Variants in HERC3 observed in about 807,000 individuals in gnomAD.
HERC3 encodes HECT and RLD domain containing E3 ubiquitin protein ligase 3, also known as probable E3 ubiquitin-protein ligase HERC3.
Under a neutral mutation model 129.9 loss-of-function variants are expected in HERC3, and 58 were observed. That is an observed-to-expected ratio of 0.45 (90% CI 0.36 to 0.56). HERC3 has a LOEUF of 0.56. Ranked by LOEUF, HERC3 falls within the 20% of genes least tolerant of loss-of-function variation. HERC3 has a pLI of 0.00. For missense variants in HERC3, 835 were observed against 1,244.2 expected, an observed-to-expected ratio of 0.67 and a Z score of 4.95; for synonymous variants, 430 against 451.0, an observed-to-expected ratio of 0.95 and a Z score of 0.59.
Position 88,667,383 on chromosome 4 carries a change from T to C in HERC3, c.1338T>C (p.Asp446=), listed in dbSNP as rs1156333879. The C allele has an allele frequency of 1.9e-5, 30 of 1,581,754 alleles. No homozygotes were observed. The highest frequency in any genetic ancestry group is 2.5e-5 in the Non-Finnish European group (29 of 1,159,174). Residue 446 remains aspartate (D), a synonymous_variant, in exon 13 of 26, where the codon GAT becomes GAC. Transcript: ENST00000402738. ...TTTGATTTTGTTTGTTTAGAATTGA[T>C]GAACATTTTAAAACGAGTCCCAAAA... ...WNGSFLEKKI[D]EHFKTSPKIP... is the part of the protein sequence containing the mutation.
At chr4:88,539,696 T>G in the HERC3 span, among the ~76,000 whole-genome samples, 9 of 152,274 alleles carry the variant, frequency 5.9e-5, no homozygotes, top group Non-Finnish European at 1.2e-4. Flanking sequence ...CAGGTGACCC[T>G]CTGGGACGAA....
intron 16 of HERC3, among the ~76,000 whole-genome samples, chr4:88,673,065 A>G (rs1414600172): frequency 6.6e-6 from 1 of 152,212 alleles, no homozygotes; most frequent in Non-Finnish European, 1.5e-5. Flanking sequence ...GTAACTTGCC[A>G]TTATCTGCAC....
In HERC3 at chr4:88,655,319, A is replaced by G; in HGVS notation, c.908+15A>G. 3 of 1,612,596 alleles carry G rather than the reference A, an allele frequency of 1.9e-6. No homozygotes were observed. The highest frequency in any genetic ancestry group is 2.5e-6 in the Non-Finnish European group (3 of 1,179,130). On this transcript the variant is annotated intron_variant, in intron 8 of 25. Coordinates refer to ENST00000402738, the MANE Select transcript of HERC3 (RefSeq NM_014606.3). The stretch of plus-strand genomic sequence containing the variant: ...GCTTGTGGCAGGTGAGTGTTCCTCA[A>G]AGCTTGCTTGTATTCACTAGGACCC...
In HERC3 at chr4:88,650,006, A is replaced by C. The variant is rs757992478; in HGVS notation, c.386+7A>C. 2.5e-6 allele frequency: 4 copies of C among 1,604,908 alleles called. No individual in the cohort carries two copies. The highest frequency in any genetic ancestry group is 2.6e-6 in the Non-Finnish European group (3 of 1,173,862). On this transcript the variant is annotated splice_region_variant and intron_variant, in intron 4 of 25. Coordinates refer to ENST00000402738, the MANE Select transcript of HERC3 (RefSeq NM_014606.3). Reference sequence around the variant, plus strand: ...ATTCTGTGGCAGTGCCCAGGTAAGAAGGTTTTCAAATGTCAGTCGTTTTAA... The same window carrying C: ...ATTCTGTGGCAGTGCCCAGGTAAGACGGTTTTCAAATGTCAGTCGTTTTAA...
At chr4:88,678,989 T>C (rs765189232) in intron 19 of HERC3, among the ~76,000 whole-genome samples, 5 of 152,228 alleles carry the variant, frequency 3.3e-5, no homozygotes, top group Non-Finnish European at 5.9e-5. Flanking sequence ...CTGGCATCTG[T>C]GTAATCCAGG....
chr4:88,582,945 G>A, the HERC3 span, among the ~76,000 whole-genome samples: 25 of 151,628 alleles, frequency 1.6e-4, no homozygotes, highest in Admixed American at 7.9e-4. Context: ...CTGGCTCTTC[G>A]AGTCTCATAT....
rs570102843 is a variant in HERC3 at position 88,673,769 on chromosome 4, A to G, written c.1912-2449A>G. ...AATTAATGAAATTAAATTATTATAT[A>G]TCAAATACAAAAACTTACAGACTTA... is the stretch of plus-strand genomic sequence containing the variant. On this transcript the variant is annotated intron_variant, in intron 16 of 25. Transcript: ENST00000402738. 2.6e-5 allele frequency among the ~76,000 whole-genome samples: 4 copies of G among 152,366 alleles called. No homozygotes were observed. The East Asian group carries it at 5.8e-4, about 22-fold the overall frequency.
chr4:88,575,778 C>A, the HERC3 span, among the ~76,000 whole-genome samples: 15 of 152,186 alleles, frequency 9.9e-5, no homozygotes, highest in African/African-American at 3.6e-4. Context: ...TTAACCAAAT[C>A]CTCTATTGTT....
At position 88,697,245 on chromosome 4, in the gene HERC3, G is replaced by C. The variant is rs140784758; in HGVS notation, c.2658-6853G>C. On this transcript the variant is annotated intron_variant, in intron 23 of 25. Transcript: ENST00000402738. ...CATCAGGCATCTCGGCGTGGGCATC[G>C]TCATGTTTGGCCCCCGCGGCAGCCT... 9.2e-5 allele frequency: 142 copies of C among 1,542,402 alleles called. No homozygotes were observed. In the African/African-American group the frequency reaches 1.7e-3, roughly 18 times the overall value.
chr4:88,548,224 A>C, the HERC3 span, among the ~76,000 whole-genome samples: 1 of 152,230 alleles, frequency 6.6e-6, no homozygotes, highest in Non-Finnish European at 1.5e-5. Flanking sequence ...ACCTAGGATT[A>C]GAATTGGTGG....
At chr4:88,660,491 A>G (rs1374573385) in intron 10 of HERC3, among the ~76,000 whole-genome samples, 5 of 152,176 alleles carry the variant, frequency 3.3e-5, no homozygotes, top group African/African-American at 9.7e-5. Flanking sequence ...GGCGTGATCC[A>G]CCACGCCCGG....
chr4:88,578,939 A>C, the HERC3 span, among the ~76,000 whole-genome samples: 1 of 152,200 alleles, frequency 6.6e-6, no homozygotes, highest in East Asian at 1.9e-4. Context: ...AAGTAGAAAC[A>C]TTGTGACTGG....
chr4:88,566,523 T>A, the HERC3 span, among the ~76,000 whole-genome samples: 1 of 152,250 alleles, frequency 6.6e-6, no homozygotes, highest in Non-Finnish European at 1.5e-5. Flanking sequence ...ATTCAAGATA[T>A]GTGTAGTTTA....
chr4:88,602,402 CAAAAAAAAAAAAAA>C (rs112656963), intron 2 of HERC3, among the ~76,000 whole-genome samples: 1 of 51,198 alleles, frequency 2.0e-5, no homozygotes, highest in African/African-American at 8.2e-5. Context: ...ACTTGGTCTC[CAAAAAAAAAAAAAA>C]AAAAAAAAAA....
intron 3 of HERC3, among the ~76,000 whole-genome samples, chr4:88,624,665 T>C (rs1173179976): frequency 6.6e-6 from 1 of 152,230 alleles, no homozygotes. Context: ...GGTTTTCCTT[T>C]TCGGTTTCTT....
the HERC3 span, among the ~76,000 whole-genome samples, chr4:88,559,606 AT>A: frequency 1.7e-4 from 26 of 152,228 alleles, no homozygotes; most frequent in African/African-American, 6.0e-4. Flanking sequence ...GTTTTAACAA[AT>A]AGCAAGATCT....
the HERC3 span, among the ~76,000 whole-genome samples, chr4:88,525,973 T>C: frequency 3.9e-5 from 6 of 152,220 alleles, no homozygotes; most frequent in African/African-American, 1.4e-4. Context: ...ACAATATAGC[T>C]GTGTGATCTT....
chr4:88,656,347 A>C, intron 9 of HERC3: 1 of 269,342 alleles, frequency 3.7e-6, no homozygotes. Flanking sequence ...TACAGGGAGC[A>C]TGATGCAGCC....
chr4:88,593,542 G>C (rs1456911399), intron 1 of HERC3: 1 of 152,242 alleles, frequency 6.6e-6, no homozygotes, highest in Admixed American at 6.5e-5. Flanking sequence ...GCTGCTTTCT[G>C]ATTGCATTTT....
Sources: gnomAD v4.1 joint callset for allele counts (sites outside exome capture counted in the v4.1 genomes callset) on GRCh38, gnomAD v4.1.1 for gene constraint, MANE v1.5 for transcripts, NCBI Gene and HGNC (gene_info 2026-07-23, HGNC 2026-07-21) for gene names.